VEZT: variants seen among roughly 807,000 people sequenced by gnomAD.
VEZT encodes vezatin.
In VEZT, 39 loss-of-function variants were observed where a neutral mutation model predicts 79.9. That is an observed-to-expected ratio of 0.49 (90% confidence interval 0.38 to 0.64). The LOEUF (loss-of-function observed/expected upper bound fraction) is 0.64. Ranked by LOEUF, VEZT falls within the 30% of genes least tolerant of loss-of-function variation. The probability of loss-of-function intolerance (pLI) is 0.00; values close to 1 mark genes in which losing one functional copy is unlikely to be tolerated. For missense variants in VEZT, 837 were observed against 893.1 expected (o/e 0.94, Z 0.80); for synonymous variants, 325 against 327.6 (o/e 0.99, Z 0.09).
At chr12:95,268,736 T>G (rs1391761621) in intron 5 of VEZT, among the ~76,000 whole-genome samples, 3 of 152,208 alleles carry the variant, frequency 2.0e-5, no homozygotes, top group Non-Finnish European at 4.4e-5. Context: ...AAGAGAAGTA[T>G]TGGAAGAAAT....
chr12:95,260,205 A>T (rs2064191955), intron 3 of VEZT, among the ~76,000 whole-genome samples: 1 of 149,368 alleles, frequency 6.7e-6, no homozygotes, highest in South Asian at 2.1e-4. Context: ...TCCCAGGCTC[A>T]AGCAATTCTT....
At position 95,263,119 on chromosome 12, in the gene VEZT, A is replaced by G. The variant is rs373237416; in HGVS notation, c.434+38A>G. 7.9e-6 allele frequency: 12 copies of G among 1,519,376 alleles called. No individual in the cohort carries two copies. The African/African-American group carries it at 1.5e-4, about 19-fold the overall frequency. 94.1% of individuals were successfully genotyped at this position (1,519,376 alleles called of 1,614,324 possible). On this transcript the variant is annotated intron_variant, in intron 4 of 11. Coordinates refer to ENST00000436874, the MANE Select transcript of VEZT (RefSeq NM_017599.4). ...AAACACCTATTCTTTGACTGCTTACATACAGAGTATTAGCAGAGGAAACCC... is the reference window on the plus strand; with the variant it reads ...AAACACCTATTCTTTGACTGCTTACGTACAGAGTATTAGCAGAGGAAACCC...
chr12:95,290,270 A>G (rs2072383364), intron 9 of VEZT, among the ~76,000 whole-genome samples: 1 of 152,210 alleles, frequency 6.6e-6, no homozygotes, highest in East Asian at 1.9e-4. Context: ...TTTAACCACT[A>G]TGAATGCATA....
chr12:95,296,773 C>T (rs1345534271), intron 11 of VEZT: 1 of 152,266 alleles, frequency 6.6e-6, no homozygotes. Flanking sequence ...AACCCCATCT[C>T]TACTAAAAAT....
chr12:95,231,428 T>C (rs2059264829), intron 1 of VEZT: 1 of 152,170 alleles, frequency 6.6e-6, no homozygotes, highest in South Asian at 2.1e-4. Context: ...ACTGTGGTTC[T>C]TCTGGAGAAA....
chr12:95,276,653 T>C (rs927743778), intron 7 of VEZT, among the ~76,000 whole-genome samples: 2 of 152,188 alleles, frequency 1.3e-5, no homozygotes, highest in Non-Finnish European at 2.9e-5. Context: ...TGTTTCTTTG[T>C]TTTTAGTTTT....
chr12:95,258,048 G>A (rs534838537), intron 3 of VEZT, among the ~76,000 whole-genome samples: 1 of 152,266 alleles, frequency 6.6e-6, no homozygotes, highest in East Asian at 1.9e-4. Context: ...AGGTCTCTTG[G>A]TTCCAAAGCC....
rs148594487 is a variant in VEZT at position 95,278,929 on chromosome 12, G to A, written c.997-3384G>A. On this transcript the variant is annotated intron_variant, in intron 7 of 11. Coordinates refer to ENST00000436874, the MANE Select transcript of VEZT (RefSeq NM_017599.4). ...ACTAAAAATACAAAAAATTAGCCAG[G>A]TGTGGTGGTGCATGCCTGTAATCCC... 5.5e-3 allele frequency among the ~76,000 whole-genome samples: 833 copies of A among 152,314 alleles called. 37 individuals carry two copies. In the East Asian group the frequency reaches 0.13, roughly 25 times the overall value.
At chr12:95,258,940 T>C (rs1338602274) in intron 3 of VEZT, among the ~76,000 whole-genome samples, 1 of 152,178 alleles carries the variant, frequency 6.6e-6, no homozygotes, top group Non-Finnish European at 1.5e-5. Context: ...ATTTCATCCA[T>C]GCAGAAAGGA....
chr12:95,253,117 A>G (rs1375556000), intron 2 of VEZT, among the ~76,000 whole-genome samples: 1 of 152,236 alleles, frequency 6.6e-6, no homozygotes, highest in Non-Finnish European at 1.5e-5. Flanking sequence ...ACCTCTGTCT[A>G]CATGTCTAGT....
At chr12:95,241,471 A>AT (rs1453792988) in intron 1 of VEZT, among the ~76,000 whole-genome samples, 3 of 151,918 alleles carry the variant, frequency 2.0e-5, no homozygotes, top group Non-Finnish European at 2.9e-5. Context: ...TTTCTGGCTA[A>AT]TTTTTTTATT....
intron 3 of VEZT, among the ~76,000 whole-genome samples, chr12:95,261,242 G>A (rs2064422916): frequency 6.6e-6 from 1 of 152,080 alleles, no homozygotes; most frequent in Admixed American, 6.6e-5. Flanking sequence ...TGGAATGTGT[G>A]GTGTGGGGAT....
intron 2 of VEZT, among the ~76,000 whole-genome samples, chr12:95,255,732 T>C (rs76017910): frequency 0.11 from 17,193 of 152,044 alleles, 1,271 homozygotes; most frequent in East Asian, 0.16. Flanking sequence ...CCCCCGGCCT[T>C]GAATATCCTT....
At chr12:95,254,339 C>CTTTTTT (rs34968028) in intron 2 of VEZT, among the ~76,000 whole-genome samples, 50 of 69,430 alleles carry the variant, frequency 7.2e-4, no homozygotes, top group African/African-American at 8.3e-4. Context: ...AAACGAAGTT[C>CTTTTTT]TTTTTTTTTT....
Sources: gnomAD v4.1 joint callset for allele counts (sites outside exome capture counted in the v4.1 genomes callset) on GRCh38, gnomAD v4.1.1 for gene constraint, MANE v1.5 for transcripts, NCBI Gene and HGNC (gene_info 2026-07-23, HGNC 2026-07-21) for gene names.